Variants in TMEM163 observed in about 807,000 individuals in gnomAD.
The protein encoded by TMEM163 is transmembrane protein 163.
Under a neutral mutation model 29.3 loss-of-function variants are expected in TMEM163, and 17 were observed. The ratio of observed to expected loss-of-function variants is 0.58; its 90% CI spans 0.40 to 0.87. TMEM163 has a LOEUF of 0.87. Ranked by LOEUF, TMEM163 falls within the 40% of genes least tolerant of loss-of-function variation. The probability of loss-of-function intolerance (pLI) is 0.00; values close to 1 mark genes in which losing one functional copy is unlikely to be tolerated. For synonymous variants in TMEM163, 157 were observed against 160.6 expected, an observed-to-expected ratio of 0.98 and a Z score of 0.17; for missense variants, 303 against 381.5, an observed-to-expected ratio of 0.79 and a Z score of 1.71.
chr2:134,610,610 A>T (rs1456941216), intron 2 of TMEM163, among the ~76,000 whole-genome samples: 1 of 152,202 alleles, frequency 6.6e-6, no homozygotes, highest in Non-Finnish European at 1.5e-5. Context: ...ATCCAGGTTT[A>T]GAACCGACCT....
intron 2 of TMEM163, among the ~76,000 whole-genome samples, chr2:134,630,011 C>T (rs934417492): frequency 6.6e-6 from 1 of 152,154 alleles, no homozygotes; most frequent in African/African-American, 2.4e-5. Context: ...TCCACAGGCC[C>T]TCTGAGGGCC....
At chr2:134,688,218 G>A (rs1295205987) in intron 2 of TMEM163, among the ~76,000 whole-genome samples, 4 of 152,070 alleles carry the variant, frequency 2.6e-5, no homozygotes, top group African/African-American at 9.7e-5. Context: ...CTTCAGTTAT[G>A]TGCCTCGGCC....
At chr2:134,585,756 T>A (rs1247939999) in intron 2 of TMEM163, among the ~76,000 whole-genome samples, 3 of 137,334 alleles carry the variant, frequency 2.2e-5, no homozygotes, top group Non-Finnish European at 3.1e-5. Flanking sequence ...AAAAAAAAAA[T>A]ACCTGGAAGA....
At chr2:134,555,811 A>G (rs1681036751) in intron 2 of TMEM163, among the ~76,000 whole-genome samples, 1 of 152,240 alleles carries the variant, frequency 6.6e-6, no homozygotes, top group South Asian at 2.1e-4. Flanking sequence ...CCAGCCCAGC[A>G]TGCAGTCCCC....
intron 2 of TMEM163, among the ~76,000 whole-genome samples, chr2:134,632,156 T>A (rs79295247): frequency 6.6e-6 from 1 of 152,102 alleles, no homozygotes; most frequent in Non-Finnish European, 1.5e-5. Flanking sequence ...GATAATACCA[T>A]GAAGGTGGGA....
At chr2:134,591,764 C>T (rs1431284523) in intron 2 of TMEM163, among the ~76,000 whole-genome samples, 3 of 152,140 alleles carry the variant, frequency 2.0e-5, no homozygotes, top group Admixed American at 2.0e-4. Flanking sequence ...GGGACTCCAA[C>T]CACCCGTCAA....
rs190585115 is a variant in TMEM163 at position 134,569,800 on chromosome 2, G to A, written c.323-17709C>T. Among the ~76,000 whole-genome samples the A allele has an allele frequency of 9.7e-4, 147 of 152,238 alleles. 1 individual carries two copies. The highest frequency in any genetic ancestry group is 2.1e-3 in the African/African-American group (87 of 41,520). On this transcript the variant is annotated intron_variant, in intron 2 of 7. Coordinates refer to ENST00000281924, the MANE Select transcript of TMEM163 (RefSeq NM_030923.5). ...AGTTTGTTACTCACAGTCGACTATA[G>A]TATGAAAATATTAAATAGAAAATTC...
chr2:134,458,352 A>G (rs1039553463), intron 6 of TMEM163, 179 bp from the exon 7 acceptor site: 2 of 653,764 alleles, frequency 3.1e-6, no homozygotes, highest in African/African-American at 1.8e-5. Flanking sequence ...GTCACCAGAT[A>G]CCTCCCAGAA....
chr2:134,465,195 A>AAAAAAAAAAAC (rs1553471756), intron 6 of TMEM163, among the ~76,000 whole-genome samples: 1 of 138,286 alleles, frequency 7.2e-6, no homozygotes, highest in African/African-American at 3.1e-5. Flanking sequence ...TCTTTAAAAA[A>AAAAAAAAAAAC]AAAAAAAACA....
intron 2 of TMEM163, among the ~76,000 whole-genome samples, chr2:134,698,906 T>C (rs1684634196): frequency 1.3e-5 from 2 of 152,202 alleles, no homozygotes; most frequent in South Asian, 4.1e-4. Context: ...TTTACAAATA[T>C]TCCATAATGT....
At chr2:134,701,291 T>C (rs1271472530) in intron 2 of TMEM163, among the ~76,000 whole-genome samples, 1 of 152,208 alleles carries the variant, frequency 6.6e-6, no homozygotes, top group Non-Finnish European at 1.5e-5. Context: ...GTAATTGATT[T>C]AACAGACTCC....
At chr2:134,528,092 T>C (rs1476634583) in intron 4 of TMEM163, among the ~76,000 whole-genome samples, 1 of 152,214 alleles carries the variant, frequency 6.6e-6, no homozygotes, top group African/African-American at 2.4e-5. Context: ...CTGGTCCTTC[T>C]AACACCATCC....
At chr2:134,595,085 A>G (rs1229915266) in intron 2 of TMEM163, among the ~76,000 whole-genome samples, 3 of 151,434 alleles carry the variant, frequency 2.0e-5, no homozygotes, top group Admixed American at 2.0e-4. Context: ...ATAAATTTTT[A>G]TTTTTATTTT....
intron 6 of TMEM163, among the ~76,000 whole-genome samples, chr2:134,461,105 C>G (rs113740811): frequency 0.041 from 6,248 of 152,290 alleles, 424 homozygotes; most frequent in African/African-American, 0.14. Flanking sequence ...CTCCCCTCTG[C>G]AGTGCCAGCC....
intron 2 of TMEM163, among the ~76,000 whole-genome samples, chr2:134,627,833 A>G (rs964675830): frequency 1.7e-4 from 26 of 152,372 alleles, no homozygotes; most frequent in African/African-American, 6.0e-4. Context: ...GGAAATTTCA[A>G]AGAAACCAAT....
chr2:134,503,276 G>C (rs1223460558), intron 4 of TMEM163, among the ~76,000 whole-genome samples: 3 of 152,162 alleles, frequency 2.0e-5, no homozygotes, highest in Non-Finnish European at 4.4e-5. Context: ...GGGTCTTCAA[G>C]GCCATGAAAT....
intron 5 of TMEM163, among the ~76,000 whole-genome samples, chr2:134,487,306 T>C (rs1188895599): frequency 6.6e-6 from 1 of 152,190 alleles, no homozygotes; most frequent in Admixed American, 6.5e-5. Flanking sequence ...AGCTTTCTTA[T>C]GCAGTAATAA....
chr2:134,503,976 G>C lies in TMEM163; in HGVS notation c.459-979C>G, dbSNP rs148869529. Among the ~76,000 whole-genome samples the C allele has an allele frequency of 4.1e-4, 62 of 152,338 alleles. 1 individual carries two copies. The East Asian group carries it at 8.9e-3, about 22-fold the overall frequency. On this transcript the variant is annotated intron_variant, in intron 4 of 7. Transcript: ENST00000281924. Reference sequence around the variant, plus strand: ...GAGAAAAAAGATAAAAAATACAAGAGTGACTACAGTGAGGTTGAGATCATT... The same window carrying C: ...GAGAAAAAAGATAAAAAATACAAGACTGACTACAGTGAGGTTGAGATCATT...
intron 4 of TMEM163, among the ~76,000 whole-genome samples, chr2:134,545,034 T>C (rs1187883914): frequency 1.3e-5 from 2 of 151,544 alleles, no homozygotes; most frequent in African/African-American, 2.4e-5. Context: ...GTATCCTTTA[T>C]ATGCCTACAC....
Sources: gnomAD v4.1 joint callset for allele counts (sites outside exome capture counted in the v4.1 genomes callset) on GRCh38, gnomAD v4.1.1 for gene constraint, MANE v1.5 for transcripts, NCBI Gene and HGNC (gene_info 2026-07-23, HGNC 2026-07-21) for gene names.